Variants in LAMA4 observed in about 807,000 individuals in gnomAD.
LAMA4 encodes the protein laminin subunit alpha-4.
LAMA4 carries 127 observed loss-of-function variants against 207.1 expected under a neutral mutation model. That is an observed-to-expected ratio of 0.61 (90% CI 0.53 to 0.71). The LOEUF (loss-of-function observed/expected upper bound fraction) is 0.71. Ranked by LOEUF, LAMA4 falls within the 30% of genes least tolerant of loss-of-function variation. The pLI is 0.00. For synonymous variants in LAMA4, 761 were observed against 816.0 expected, an observed-to-expected ratio of 0.93 and a Z score of 1.15; for missense variants, 2,093 against 2,246.5, an observed-to-expected ratio of 0.93 and a Z score of 1.38.
chr6:112,165,069 T>A, intron 13 of LAMA4, 91 bp downstream of exon 13: 5 of 803,384 alleles, frequency 6.2e-6, no homozygotes, highest in Non-Finnish European at 2.3e-6. Context: ...TGCTCACTGG[T>A]TAGATATGAA....
At position 112,219,187 on chromosome 6, in the gene LAMA4, A is replaced by G. The variant is rs556646903; in HGVS notation, c.196-2718T>C. The G allele has an allele frequency of 2.6e-5, 4 of 152,342 alleles. No individual in the cohort carries two copies. The South Asian group carries it at 8.3e-4, about 32-fold the overall frequency. 9.4% of individuals were successfully genotyped at this position (152,342 alleles called of 1,614,324 possible). On this transcript the variant is annotated intron_variant, in intron 2 of 38. Coordinates refer to ENST00000230538, the MANE Select transcript of LAMA4 (RefSeq NM_001105206.3). Reference sequence around the variant, plus strand: ...CAAAATTGGCCTTTTTGTAATATCAAAAGGCCGATATTTCCAAGTATGAAA... The same window carrying G: ...CAAAATTGGCCTTTTTGTAATATCAGAAGGCCGATATTTCCAAGTATGAAA...
chr6:112,131,206 T>C (rs1779014851), intron 28 of LAMA4, 105 bp from the exon 29 acceptor site: 2 of 1,033,686 alleles, frequency 1.9e-6, no homozygotes, highest in African/African-American at 1.6e-5. Flanking sequence ...ATATAGTGTG[T>C]AGGAAATTTG....
At position 112,181,298 on chromosome 6, in the gene LAMA4, A is replaced by G. The variant is rs1467343306; in HGVS notation, c.1078-3066T>C. ...ATCCACACTGCAGAGGGACGTTTCT[A>G]AAGTGCAAATCTAATCAGCTCATTG... On this transcript the variant is annotated intron_variant, in intron 9 of 38. Transcript: ENST00000230538. 2.6e-5 allele frequency among the ~76,000 whole-genome samples: 4 copies of G among 152,186 alleles called. No individual in the cohort carries two copies. In the East Asian group the frequency reaches 5.8e-4, roughly 22 times the overall value.
chr6:112,116,418 A>G (rs1245111955), intron 35 of LAMA4, among the ~76,000 whole-genome samples: 2 of 152,196 alleles, frequency 1.3e-5, no homozygotes, highest in African/African-American at 4.8e-5. Flanking sequence ...CCAGGGGAGA[A>G]GGAGGCATGG....
chr6:112,194,641 T>C (rs1783307703), intron 5 of LAMA4, among the ~76,000 whole-genome samples: 1 of 152,238 alleles, frequency 6.6e-6, no homozygotes, highest in African/African-American at 2.4e-5. Flanking sequence ...CATTGCTGCA[T>C]AGCTCAAACC....
In LAMA4 at chr6:112,133,348, C is replaced by T. The variant is rs930076073; in HGVS notation, c.3696+1G>A. 2.5e-6 allele frequency: 4 copies of T among 1,613,690 alleles called. No individual in the cohort carries two copies. In the South Asian group the frequency reaches 4.4e-5, roughly 18 times the overall value. On this transcript the variant is annotated splice_donor_variant, in intron 27 of 38. Transcript: ENST00000230538. LOFTEE classifies it high-confidence loss of function. ...AAAGCTTTTGACTGAGTGGTTCTTA[C>T]AAGTGAGTCTTCTGGGCATCCATAA...
In LAMA4 at chr6:112,182,770, A is replaced by G. The variant is rs78838196; in HGVS notation, c.1077+2467T>C. ...TGAGATTGGGAGAGGGCCACATCTCACCTCTGCTTGTAGCCCAGTGACACT... is the reference window on the plus strand; with the variant it reads ...TGAGATTGGGAGAGGGCCACATCTCGCCTCTGCTTGTAGCCCAGTGACACT... On this transcript the variant is annotated intron_variant, in intron 9 of 38. Transcript: ENST00000230538. Among the ~76,000 whole-genome samples, 251 of 152,204 alleles carry G rather than the reference A, an allele frequency of 1.6e-3. 2 individuals are homozygous for G. Among genetic ancestry groups the G allele is most frequent in the African/African-American group, 5.7e-3 (237 of 41,540 alleles).
At chr6:112,182,221 C>T (rs1242536993) in intron 9 of LAMA4, among the ~76,000 whole-genome samples, 1 of 152,040 alleles carries the variant, frequency 6.6e-6, no homozygotes, top group Non-Finnish European at 1.5e-5. Context: ...TCCAGGACCC[C>T]ACAGATACCA....
intron 2 of LAMA4, among the ~76,000 whole-genome samples, chr6:112,242,855 A>G (rs1417608844): frequency 6.6e-6 from 1 of 152,178 alleles, no homozygotes; most frequent in Non-Finnish European, 1.5e-5. Flanking sequence ...TGAGTATTTC[A>G]TGTTGATGTT....
chr6:112,147,405 A>G (rs564876297), intron 18 of LAMA4, among the ~76,000 whole-genome samples: 1 of 152,288 alleles, frequency 6.6e-6, no homozygotes, highest in South Asian at 2.1e-4. Context: ...TGGATTTATG[A>G]CCTTTCTTAA....
At chr6:112,225,069 AT>A (rs1785138129) in intron 2 of LAMA4, among the ~76,000 whole-genome samples, 1 of 151,128 alleles carries the variant, frequency 6.6e-6, no homozygotes, top group South Asian at 2.1e-4. Flanking sequence ...TTTTCTATCT[AT>A]ACACTTTTAT....
At chr6:112,165,804 T>C (rs1195858403) in intron 12 of LAMA4, among the ~76,000 whole-genome samples, 3 of 152,206 alleles carry the variant, frequency 2.0e-5, no homozygotes, top group East Asian at 3.8e-4. Flanking sequence ...GCTTCATACC[T>C]CTCAGAGCTC....
intron 37 of LAMA4, 137 bp downstream of exon 37, chr6:112,114,526 T>G: frequency 1.4e-6 from 1 of 727,536 alleles, no homozygotes. Context: ...CATAATAGTA[T>G]AATAACATGA....
At chr6:112,199,980 C>T (rs1023045049) in intron 5 of LAMA4, among the ~76,000 whole-genome samples, 2 of 152,178 alleles carry the variant, frequency 1.3e-5, no homozygotes, top group Admixed American at 6.5e-5. Context: ...CACTACATAT[C>T]GTTTAGCTGC....
intron 18 of LAMA4, among the ~76,000 whole-genome samples, chr6:112,147,179 T>C (rs1239717535): frequency 6.6e-6 from 1 of 152,176 alleles, no homozygotes; most frequent in African/African-American, 2.4e-5. Flanking sequence ...ATGTAACAGA[T>C]TTGGTACATA....
Position 112,144,806 on chromosome 6 carries a change from A to C in LAMA4, c.2481T>G (p.Ser827Arg). 1.2e-6 allele frequency: 2 copies of C among 1,613,494 alleles called. No homozygotes were observed. The highest frequency in any genetic ancestry group is 1.7e-6 in the Non-Finnish European group (2 of 1,179,988). Residue 827 changes from serine (S) to arginine (R), a missense_variant, in exon 19 of 39, where the codon AGT becomes AGG. By Grantham distance (110) the Ser-to-Arg change is moderately radical. Transcript: ENST00000230538. ...TTTCATCAGTTACCTTGCTGGCAACACTTCTGGTCTGAGCAATGAGCTCTC... is the reference window on the plus strand; with the variant it reads ...TTTCATCAGTTACCTTGCTGGCAACCCTTCTGGTCTGAGCAATGAGCTCTC... ...RIRELIAQTR[S>R]VASKIQVSMM... is the part of the protein sequence containing the mutation.
Position 112,253,955 on chromosome 6 carries a change from C to T in LAMA4, c.195+1G>A. On this transcript the variant is annotated splice_donor_variant, in intron 2 of 38. Transcript: ENST00000230538. LOFTEE classifies it high-confidence loss of function. Reference sequence around the variant, plus strand: ...GGGTGGCAATGGCAGGGACACTGTACCTCGGCCGCAGGCGGCAGGCGTCCC... The same window carrying T: ...GGGTGGCAATGGCAGGGACACTGTATCTCGGCCGCAGGCGGCAGGCGTCCC... 1 of 1,598,400 alleles carries T rather than the reference C, an allele frequency of 6.3e-7. No individual in the cohort carries two copies. The highest frequency in any genetic ancestry group is 8.5e-7 in the Non-Finnish European group (1 of 1,171,892).
At position 112,254,147 on chromosome 6, in the gene LAMA4, C is replaced by A. The variant is rs1787689881; in HGVS notation, c.4G>T (p.Ala2Ser). ...ACCGAGCGCCAGGCTGAGCTCAAAG[C>A]CATTTCTCCGCTGACATCCAGTAGT... MALSSAWRSVLP... is the reference protein window; with the variant it reads MSLSSAWRSVLP... Residue 2 changes from alanine (A) to serine (S), a missense_variant, in exon 2 of 39, where the codon GCT becomes TCT. Physicochemically the swap from Ala to Ser is moderately conservative, Grantham distance 99. Coordinates refer to ENST00000230538, the MANE Select transcript of LAMA4 (RefSeq NM_001105206.3). The A allele has an allele frequency of 6.2e-7, 1 of 1,612,716 alleles. No homozygotes were observed. The highest frequency in any genetic ancestry group is 8.5e-7 in the Non-Finnish European group (1 of 1,179,968).
chr6:112,230,131 A>G (rs775928395), intron 2 of LAMA4, among the ~76,000 whole-genome samples: 6 of 152,196 alleles, frequency 3.9e-5, no homozygotes, highest in Non-Finnish European at 8.8e-5. Context: ...TTGCCATTTT[A>G]AGAAATGTCC....
Sources: gnomAD v4.1 joint callset for allele counts (sites outside exome capture counted in the v4.1 genomes callset) on GRCh38, gnomAD v4.1.1 for gene constraint, MANE v1.5 for transcripts, NCBI Gene and HGNC (gene_info 2026-07-23, HGNC 2026-07-21) for gene names.